The following GTF2E2 variants were observed in gnomAD, a reference collection of about 807,000 sequenced individuals.
The protein encoded by GTF2E2 is transcription initiation factor IIE subunit beta.
In GTF2E2, 21 loss-of-function variants were observed where a neutral mutation model predicts 40.5. The observed-to-expected ratio is 0.52, with a 90% CI of 0.37 to 0.75. GTF2E2 has a LOEUF of 0.75. Ranked by LOEUF, GTF2E2 falls within the 30% of genes least tolerant of loss-of-function variation. The pLI is 0.00. For synonymous variants in GTF2E2, 117 were observed against 121.6 expected (o/e 0.96, Z 0.25); for missense variants, 298 against 338.4 (o/e 0.88, Z 0.94).
chr8:30,590,402 T>A (rs1216653963), intron 6 of GTF2E2, among the ~76,000 whole-genome samples: 1 of 152,216 alleles, frequency 6.6e-6, no homozygotes, highest in African/African-American at 2.4e-5. Flanking sequence ...TAAATACCCA[T>A]TAATTTAATG....
chr8:30,612,217 G>T, intron 5 of GTF2E2, 82 bp downstream of exon 5: 1 of 914,040 alleles, frequency 1.1e-6, no homozygotes, highest in Non-Finnish European at 1.7e-6. Context: ...AAAAACAATT[G>T]TAAAATGTTT....
At chr8:30,650,782 A>C (rs1304415988) in intron 2 of GTF2E2, among the ~76,000 whole-genome samples, 1 of 152,106 alleles carries the variant, frequency 6.6e-6, no homozygotes, top group Non-Finnish European at 1.5e-5. Flanking sequence ...TTGGGAGGCC[A>C]AGGCGGGTGG....
intron 2 of GTF2E2, among the ~76,000 whole-genome samples, chr8:30,640,903 C>T (rs1184703930): frequency 6.6e-6 from 1 of 152,180 alleles, no homozygotes; most frequent in East Asian, 1.9e-4. Flanking sequence ...CGGAGTTTCG[C>T]CATGTTGGTC....
intron 6 of GTF2E2, among the ~76,000 whole-genome samples, chr8:30,581,185 G>T (rs140936666): frequency 1.3e-5 from 2 of 151,994 alleles, no homozygotes; most frequent in African/African-American, 4.8e-5. Context: ...GCTCAGGAAC[G>T]AAAAAAGGAA....
chr8:30,618,446 G>A (rs940648674), intron 3 of GTF2E2, among the ~76,000 whole-genome samples: 3 of 152,230 alleles, frequency 2.0e-5, no homozygotes, highest in Non-Finnish European at 4.4e-5. Flanking sequence ...ATCCTGAGGC[G>A]GGCCTGGGAA....
intron 2 of GTF2E2, among the ~76,000 whole-genome samples, chr8:30,640,591 A>G (rs985759746): frequency 6.6e-6 from 1 of 152,206 alleles, no homozygotes; most frequent in African/African-American, 2.4e-5. Flanking sequence ...CTTTTTTTAT[A>G]TACACCATTT....
At chr8:30,620,129 C>A (rs1174222300) in intron 3 of GTF2E2, among the ~76,000 whole-genome samples, 2 of 151,918 alleles carry the variant, frequency 1.3e-5, no homozygotes, top group Non-Finnish European at 2.9e-5. Flanking sequence ...AGCAAGTCTG[C>A]CTTTTGAACC....
At position 30,635,079 on chromosome 8, in the gene GTF2E2, A is replaced by G; in HGVS notation, c.211T>C (p.Ser71Pro). The G allele has an allele frequency of 6.2e-7, 1 of 1,609,480 alleles. No individual in the cohort carries two copies. The highest frequency in any genetic ancestry group is 8.5e-7 in the Non-Finnish European group (1 of 1,176,462). ...GCAAGAACACCAAACTTATATCCAG[A>G]GCTTCCTGACAAAGCTTTCAAGTTA... ...SFNLKALSGSSGYKFGVLAKI... is the reference protein window; with the variant it reads ...SFNLKALSGSPGYKFGVLAKI... Residue 71 changes from serine to proline, a missense_variant, in exon 3 of 8, where the codon TCT becomes CCT. Physicochemically the swap from Ser to Pro is moderately conservative, Grantham distance 74. Transcript: ENST00000355904.
At position 30,607,066 on chromosome 8, in the gene GTF2E2, CAG is replaced by C; in HGVS notation, c.632_633del (p.Ser211CysfsTer3). On this transcript the variant is annotated frameshift_variant, in exon 6 of 8. Coordinates refer to ENST00000355904, the MANE Select transcript of GTF2E2 (RefSeq NM_002095.6). LOFTEE classifies it high-confidence loss of function. ...ATACAGAAAAGCTCACCTTCATCCA[CAG>C]AAAACTGACAGCTCTTATCATTGAA... ...LFFNDKSCQF[S>X]VDEEFQKLWR... 1 of 1,367,170 alleles carries C rather than the reference CAG, an allele frequency of 7.3e-7. No homozygotes were observed. The highest frequency in any genetic ancestry group is 1.0e-6 in the Non-Finnish European group (1 of 975,142). 84.7% of individuals were successfully genotyped at this position (1,367,170 alleles called of 1,614,324 possible).
intron 2 of GTF2E2, among the ~76,000 whole-genome samples, chr8:30,652,800 AT>A (rs1229149765): frequency 1.3e-5 from 2 of 152,246 alleles, no homozygotes; most frequent in Non-Finnish European, 2.9e-5. Flanking sequence ...AAAAGTGAAA[AT>A]AATCCAAATA....
In GTF2E2 at chr8:30,658,137, T is replaced by TGGCGGTGGC. The variant is rs1489491011; in HGVS notation, c.-178_-170dup. ...ACCCGCCAGGTCGGGGTCTCACCAC[T>TGGCGGTGGC]GGCGGTGGCGGCGGCGGCGGCGGCA... On this transcript the variant is annotated 5_prime_UTR_variant, in exon 1 of 8. Transcript: ENST00000355904. The TGGCGGTGGC allele has an allele frequency of 7.2e-3, 1,296 of 179,802 alleles. 13 individuals carry two copies. The highest frequency in any genetic ancestry group is 0.03 in the African/African-American group (1,197 of 39,480). 11.1% of individuals were successfully genotyped at this position (179,802 alleles called of 1,614,324 possible). A position where few individuals can be genotyped will look rare whatever the true frequency, so the allele number is the denominator to read the frequency against.
At chr8:30,595,737 T>C (rs780789094) in intron 6 of GTF2E2, among the ~76,000 whole-genome samples, 9 of 151,800 alleles carry the variant, frequency 5.9e-5, no homozygotes, top group Non-Finnish European at 1.3e-4. Context: ...GAGGCTGAGA[T>C]GGGAGGATGA....
At chr8:30,625,176 C>A (rs564860737) in intron 3 of GTF2E2, among the ~76,000 whole-genome samples, 1 of 151,992 alleles carries the variant, frequency 6.6e-6, no homozygotes, top group African/African-American at 2.4e-5. Flanking sequence ...TTTTTAGATA[C>A]GTCCCATCAA....
intron 2 of GTF2E2, among the ~76,000 whole-genome samples, chr8:30,642,199 GCATTAAATAAGT>G (rs888921458): frequency 6.6e-6 from 1 of 151,008 alleles, no homozygotes; most frequent in Non-Finnish European, 1.5e-5. Context: ...GTATTACAGT[GCATTAAATAAGT>G]CAATATTGAC....
chr8:30,579,257 G>A (rs1036451560), intron 7 of GTF2E2, among the ~76,000 whole-genome samples: 2 of 152,150 alleles, frequency 1.3e-5, no homozygotes, highest in African/African-American at 4.8e-5. Context: ...GAATGAAGGA[G>A]CAGGCACAAA....
intron 2 of GTF2E2, among the ~76,000 whole-genome samples, chr8:30,651,591 C>A (rs1802278881): frequency 6.6e-6 from 1 of 152,056 alleles, no homozygotes; most frequent in African/African-American, 2.4e-5. Flanking sequence ...CCTGTCTCTA[C>A]AAAAAATTTG....
chr8:30,655,540 C>T (rs1802424742), intron 1 of GTF2E2, among the ~76,000 whole-genome samples: 1 of 151,768 alleles, frequency 6.6e-6, no homozygotes, highest in African/African-American at 2.4e-5. Flanking sequence ...ACACATGGAA[C>T]ATCATCTTTA....
intron 3 of GTF2E2, among the ~76,000 whole-genome samples, chr8:30,624,326 G>A (rs1801204567): frequency 6.6e-6 from 1 of 152,038 alleles, no homozygotes; most frequent in Non-Finnish European, 1.5e-5. Context: ...AGTTGTAGAT[G>A]TGTGGTATTA....
chr8:30,587,871 TAAAAAAAAAA>T (rs58179732), intron 6 of GTF2E2, among the ~76,000 whole-genome samples: 1 of 105,066 alleles, frequency 9.5e-6, no homozygotes, highest in African/African-American at 3.9e-5. Context: ...GACTCCGTCT[TAAAAAAAAAA>T]AAAAAAAAAA....
Sources: gnomAD v4.1 joint callset for allele counts (sites outside exome capture counted in the v4.1 genomes callset) on GRCh38, gnomAD v4.1.1 for gene constraint, MANE v1.5 for transcripts, NCBI Gene and HGNC (gene_info 2026-07-23, HGNC 2026-07-21) for gene names.